ITGA9: variants seen among roughly 807,000 people sequenced by gnomAD.
ITGA9 encodes the protein integrin subunit alpha 9, also known as integrin alpha-9.
Under a neutral mutation model 127.8 loss-of-function variants are expected in ITGA9, and 56 were observed. That is an observed-to-expected ratio of 0.44 (90% CI 0.35 to 0.55). The LOEUF (loss-of-function observed/expected upper bound fraction) is 0.55. ITGA9 is among the 20% of genes least tolerant of loss of function. The pLI is 0.00. For missense variants in ITGA9, 1,196 were observed against 1,347.1 expected, an observed-to-expected ratio of 0.89 and a Z score of 1.76; for synonymous variants, 508 against 514.5, an observed-to-expected ratio of 0.99 and a Z score of 0.17.
rs536026779 is a variant in ITGA9 at position 37,629,792 on chromosome 3, G to A, written c.1839+456G>A. 1.0e-3 allele frequency among the ~76,000 whole-genome samples: 155 copies of A among 152,324 alleles called. No homozygotes were observed. Among genetic ancestry groups the A allele is most frequent in the Non-Finnish European group, 1.9e-3 (130 of 68,028 alleles). Reference sequence around the variant, plus strand: ...AACCCAAGAGTCCCTGGAAACCAGAGCACTGGGGCAAGTACAGGTGGTCCA... The same window carrying A: ...AACCCAAGAGTCCCTGGAAACCAGAACACTGGGGCAAGTACAGGTGGTCCA... On this transcript the variant is annotated intron_variant, in intron 16 of 27. Coordinates refer to ENST00000264741, the MANE Select transcript of ITGA9 (RefSeq NM_002207.3). This position sits in a 1 kb window ranked among gnomAD's most constrained non-coding sequence, Gnocchi z 4.5.
At chr3:37,653,823 C>T (rs765826704) in intron 17 of ITGA9, 33 bp downstream of exon 17, 2 of 1,544,916 alleles carry the variant, frequency 1.3e-6, no homozygotes, top group Non-Finnish European at 1.8e-6. Flanking sequence ...GCATTGTTCT[C>T]AGGCTCCTTT....
intron 18 of ITGA9, among the ~76,000 whole-genome samples, chr3:37,726,272 G>A (rs1696200111): frequency 6.6e-6 from 1 of 152,192 alleles, no homozygotes; most frequent in South Asian, 2.1e-4. Context: ...GGGTCTTAGA[G>A]GAACACAAAT....
intron 18 of ITGA9, among the ~76,000 whole-genome samples, chr3:37,717,594 G>A (rs1701148492): frequency 6.6e-6 from 1 of 152,130 alleles, no homozygotes; most frequent in Non-Finnish European, 1.5e-5. Context: ...GGGGCTGGTG[G>A]GGGAGTGCCA....
chr3:37,658,005 G>T (rs1275580175), intron 17 of ITGA9, among the ~76,000 whole-genome samples: 1 of 152,182 alleles, frequency 6.6e-6, no homozygotes, highest in African/African-American at 2.4e-5. Flanking sequence ...GTGCAGTTTT[G>T]AGTGAGTTTC....
chr3:37,509,268 T>G (rs1416288337), intron 8 of ITGA9, among the ~76,000 whole-genome samples: 1 of 152,220 alleles, frequency 6.6e-6, no homozygotes, highest in African/African-American at 2.4e-5. Flanking sequence ...TACTGCCCTG[T>G]TGTCTAAAAT....
Position 37,821,974 on chromosome 3 carries a change from A to G in ITGA9, c.*2985A>G, listed in dbSNP as rs567881946. The G allele has an allele frequency of 6.6e-6, 1 of 152,162 alleles. No individual in the cohort carries two copies. The highest frequency in any genetic ancestry group is 6.5e-5 in the Admixed American group (1 of 15,278). 9.4% of individuals were successfully genotyped at this position (152,162 alleles called of 1,614,324 possible). A position where few individuals can be genotyped will look rare whatever the true frequency, so the allele number is the denominator to read the frequency against. On this transcript the variant is annotated 3_prime_UTR_variant, in exon 28 of 28. Transcript: ENST00000264741. ...GTGCAGTGATAGAGAAGTCAAGCAT[A>G]TCGTTAGCGCTCTCTCAACTTGGGC...
intron 18 of ITGA9, among the ~76,000 whole-genome samples, chr3:37,699,492 C>G (rs1283541146): frequency 2.0e-5 from 3 of 152,188 alleles, no homozygotes; most frequent in Admixed American, 6.5e-5. Context: ...CCAGCCAGTT[C>G]TCACCATCAC....
intron 1 of ITGA9, among the ~76,000 whole-genome samples, chr3:37,465,147 T>C (rs1169606736): frequency 6.6e-6 from 1 of 152,120 alleles, no homozygotes; most frequent in African/African-American, 2.4e-5. Flanking sequence ...TGCTGTGGTG[T>C]TTGTGGGGAG....
rs374114754 is a variant in ITGA9, at chr3:37,653,672, A to G, written c.1840-42A>G. ...ATTGGCCACTGTGTACTCGTTTGCC[A>G]CTCAATCCTGCCCTAACCTTCCTCT... On this transcript the variant is annotated intron_variant, in intron 16 of 27. Transcript: ENST00000264741. 9 of 1,436,916 alleles carry G rather than the reference A, an allele frequency of 6.3e-6. No individual in the cohort carries two copies. In the Admixed American group the frequency reaches 1.0e-4, roughly 16 times the overall value. 89.0% of individuals were successfully genotyped at this position (1,436,916 alleles called of 1,614,324 possible).
At chr3:37,468,542 A>T (rs1219643363) in intron 1 of ITGA9, among the ~76,000 whole-genome samples, 3 of 152,104 alleles carry the variant, frequency 2.0e-5, no homozygotes, top group African/African-American at 7.2e-5. Context: ...TATGATGTAG[A>T]GGCCTTGTTT....
intron 17 of ITGA9, among the ~76,000 whole-genome samples, chr3:37,668,532 G>A (rs914359038): frequency 6.6e-6 from 1 of 152,130 alleles, no homozygotes; most frequent in Non-Finnish European, 1.5e-5. Context: ...AGCCATGTGT[G>A]GTTTCCTTGC....
In ITGA9 at chr3:37,466,584, A is replaced by G. The variant is rs553877726; in HGVS notation, c.186-4423A>G. Among the ~76,000 whole-genome samples, 10 of 151,530 alleles carry G rather than the reference A, an allele frequency of 6.6e-5. No individual in the cohort carries two copies. In the East Asian group the frequency reaches 1.9e-3, roughly 29 times the overall value. ...GAGAGAGCCTTGCTTCTCAAGGGCA[A>G]TCTCTTCTACTGGCTCCAAATGAAC... On this transcript the variant is annotated intron_variant, in intron 1 of 27. Transcript: ENST00000264741.
At chr3:37,636,342 T>C (rs1700278417) in intron 16 of ITGA9, among the ~76,000 whole-genome samples, 1 of 152,234 alleles carries the variant, frequency 6.6e-6, no homozygotes, top group Non-Finnish European at 1.5e-5. Context: ...TGTGAGATGG[T>C]ATCTCATTGT....
rs766521910 is a variant in ITGA9, at chr3:37,683,989, CTCT to C, written c.2047_2049del (p.Phe683del). ...CGTGTCCTTCAATGTTTCCCGGGAG[CTCT>C]TCTTCATCAACATGTGGCAGAAGGT... On this transcript the variant is annotated inframe_deletion, in exon 18 of 28. Transcript: ENST00000264741. The C allele has an allele frequency of 6.2e-7, 1 of 1,613,834 alleles. No individual in the cohort carries two copies. The highest frequency in any genetic ancestry group is 2.2e-5 in the East Asian group (1 of 44,870).
chr3:37,754,614 G>A (rs1329855872), intron 23 of ITGA9, among the ~76,000 whole-genome samples: 1 of 152,204 alleles, frequency 6.6e-6, no homozygotes, highest in Non-Finnish European at 1.5e-5. Context: ...TAAAATTGTA[G>A]GGATGAATGA....
At chr3:37,476,304 A>C (rs1468367814) in intron 3 of ITGA9, among the ~76,000 whole-genome samples, 1 of 152,128 alleles carries the variant, frequency 6.6e-6, no homozygotes, top group Admixed American at 6.5e-5. Flanking sequence ...AGTTCTCACC[A>C]ACAGTGCACA....
intron 15 of ITGA9, among the ~76,000 whole-genome samples, chr3:37,619,444 A>T (rs1465410205): frequency 5.9e-5 from 9 of 152,194 alleles, no homozygotes; most frequent in Admixed American, 5.9e-4. Context: ...AGAGAAAAAA[A>T]TGTTGAGTAA....
In ITGA9 at chr3:37,492,035, G is replaced by A. The variant is rs61669907; in HGVS notation, c.545-2466G>A. On this transcript the variant is annotated intron_variant, in intron 4 of 27. Coordinates refer to ENST00000264741, the MANE Select transcript of ITGA9 (RefSeq NM_002207.3). ...AACACCCACTAACTTTCCTAGACTA[G>A]AGTTGCCAGGCCCCACAACTGCCCC... Among the ~76,000 whole-genome samples the A allele has an allele frequency of 3.1e-3, 475 of 152,330 alleles. 2 individuals are homozygous for A. Among genetic ancestry groups the A allele is most frequent in the African/African-American group, 0.011 (462 of 41,582 alleles).
At chr3:37,664,421 T>G (rs1399473591) in intron 17 of ITGA9, among the ~76,000 whole-genome samples, 1 of 32,730 alleles carries the variant, frequency 3.1e-5, no homozygotes, top group Non-Finnish European at 5.3e-5. Flanking sequence ...CAGCACATTC[T>G]TTTTTTTTTT....
Sources: allele counts gnomAD v4.1 joint callset (sites outside exome capture counted in the v4.1 genomes callset), GRCh38; gene constraint gnomAD v4.1.1; non-coding constraint Gnocchi (gnomAD v3.1); transcripts MANE v1.5; gene names NCBI Gene and HGNC (gene_info 2026-07-23, HGNC 2026-07-21).